LAMA3: variants seen among roughly 807,000 people sequenced by gnomAD.
LAMA3 encodes laminin subunit alpha-3.
Under a neutral mutation model 402.0 loss-of-function variants are expected in LAMA3, and 281 were observed. The observed-to-expected ratio is 0.70, with a 90% confidence interval of 0.63 to 0.77. The LOEUF (loss-of-function observed/expected upper bound fraction) is 0.77. Ranked by LOEUF, LAMA3 falls within the 30% of genes least tolerant of loss-of-function variation. The pLI is 0.00. For synonymous variants in LAMA3, 1,431 were observed against 1,558.4 expected (o/e 0.92, Z 1.93); for missense variants, 3,840 against 4,215.5 (o/e 0.91, Z 2.47).
intron 41 of LAMA3, among the ~76,000 whole-genome samples, chr18:23,886,625 G>GA (rs531862817): frequency 0.013 from 1,912 of 145,890 alleles, 37 homozygotes; most frequent in African/African-American, 0.041. Flanking sequence ...CTGGGCAACA[G>GA]AAAAAAAAAA....
chr18:23,799,897 C>G (rs907793633), intron 12 of LAMA3, among the ~76,000 whole-genome samples: 3 of 152,214 alleles, frequency 2.0e-5, no homozygotes, highest in African/African-American at 7.2e-5. Context: ...GAATTCCTCC[C>G]TCTTCTTCAG....
chr18:23,817,212 T>C (rs930691841), intron 18 of LAMA3, among the ~76,000 whole-genome samples: 9 of 152,146 alleles, frequency 5.9e-5, no homozygotes, highest in Admixed American at 3.3e-4. Context: ...GGAACTATGG[T>C]ATTGTTCCAT....
chr18:23,889,892 G>A lies in LAMA3; in HGVS notation c.5304-119G>A, dbSNP rs538226364. 47 of 789,850 alleles carry A rather than the reference G, an allele frequency of 6.0e-5. No individual in the cohort carries two copies. The African/African-American group carries it at 6.1e-4, about 10-fold the overall frequency. 48.9% of individuals were successfully genotyped at this position (789,850 alleles called of 1,614,324 possible). A position where few individuals can be genotyped will look rare whatever the true frequency, so the allele number is the denominator to read the frequency against. On this transcript the variant is annotated intron_variant, in intron 41 of 74. Transcript: ENST00000313654. Reference sequence around the variant, plus strand: ...GAAATATTCATTCTTGCAGATCTATGTCGGTCTTCCACCCATTGGGTTACA... The same window carrying A: ...GAAATATTCATTCTTGCAGATCTATATCGGTCTTCCACCCATTGGGTTACA...
chr18:23,904,555 T>C lies in LAMA3; in HGVS notation c.6476T>C (p.Ile2159Thr), dbSNP rs1656792259. The change falls in exon 51 of 75, where the codon ATC (isoleucine) becomes ACC (threonine). Residue 2159 changes from isoleucine to threonine, a missense_variant and splice_region_variant. Ile to Thr is a moderately conservative substitution (Grantham distance 89). Coordinates refer to ENST00000313654, the MANE Select transcript of LAMA3 (RefSeq NM_198129.4). ...GGCTAACCTGCCCTGTCTTCCAGGATCAAGAGAAACGCCAGCGGGGATGAG... is the reference window on the plus strand; with the variant it reads ...GGCTAACCTGCCCTGTCTTCCAGGACCAAGAGAAACGCCAGCGGGGATGAG... ...LQELAKQLEE[I>T]KRNASGDELV... The C allele has an allele frequency of 6.3e-7, 1 of 1,590,024 alleles. No homozygotes were observed. The highest frequency in any genetic ancestry group is 1.8e-5 in the Admixed American group (1 of 55,902).
intron 2 of LAMA3, among the ~76,000 whole-genome samples, chr18:23,727,658 C>G (rs977557475): frequency 6.6e-6 from 1 of 151,992 alleles, no homozygotes; most frequent in African/African-American, 2.4e-5. Context: ...ACAAACAGTT[C>G]CTGGACCAGC....
chr18:23,744,919 G>C (rs1772864978), intron 2 of LAMA3, among the ~76,000 whole-genome samples: 4 of 150,446 alleles, frequency 2.7e-5, no homozygotes, highest in African/African-American at 9.8e-5. Context: ...GAGACCTGAC[G>C]ACTCACTGCC....
intron 1 of LAMA3, among the ~76,000 whole-genome samples, chr18:23,694,118 T>G (rs774018056): frequency 1.3e-5 from 2 of 152,232 alleles, no homozygotes; most frequent in Non-Finnish European, 2.9e-5. Context: ...CCATGTGCCC[T>G]GCCAGTTTCT....
At position 23,826,794 on chromosome 18, in the gene LAMA3, A is replaced by G. The variant is rs749187350; in HGVS notation, c.2664A>G (p.Gln888=). The G allele has an allele frequency of 3.0e-5, 46 of 1,556,982 alleles. No individual in the cohort carries two copies. The highest frequency in any genetic ancestry group is 3.8e-5 in the Non-Finnish European group (44 of 1,148,402). The change falls in exon 22 of 75, where the codon CAA becomes CAG. Residue 888 remains glutamine, a synonymous_variant. Coordinates refer to ENST00000313654, the MANE Select transcript of LAMA3 (RefSeq NM_198129.4). The part of the protein sequence containing the change: ...TEPCAYAGPP[Q]ENCLLYQHLP... ...CATGTGCCTACGCAGGACCTCCCCA[A>G]GAAAAGTCAGTGTGGGGCAGAAGGT...
At chr18:23,845,179 G>T in intron 30 of LAMA3, 55 bp downstream of exon 30, 1 of 1,042,196 alleles carries the variant, frequency 9.6e-7, no homozygotes, top group South Asian at 1.3e-5. Context: ...CCACATTCCT[G>T]ACCAGCTCGA....
At chr18:23,847,366 C>A in intron 31 of LAMA3, 98 bp from the exon 32 acceptor site, 1 of 1,276,716 alleles carries the variant, frequency 7.8e-7, no homozygotes. Context: ...TCTCTCTGAC[C>A]CTTTGGAGGC....
intron 32 of LAMA3, among the ~76,000 whole-genome samples, chr18:23,853,073 C>T (rs574937428): frequency 3.9e-5 from 6 of 152,234 alleles, no homozygotes; most frequent in South Asian, 4.1e-4. Context: ...GTCCTGTGTC[C>T]GCAGTGAAAC....
At chr18:23,811,625 G>C (rs183021013) in intron 13 of LAMA3, among the ~76,000 whole-genome samples, 183 of 152,278 alleles carry the variant, frequency 1.2e-3, no homozygotes, top group African/African-American at 4.2e-3. Context: ...AGATGGCAAT[G>C]TTTGTGTCCT....
chr18:23,899,310 G>A lies in LAMA3; in HGVS notation c.5859G>A (p.Gly1953=). 2 of 1,613,848 alleles carry A rather than the reference G, an allele frequency of 1.2e-6. No homozygotes were observed. The highest frequency in any genetic ancestry group is 1.7e-6 in the Non-Finnish European group (2 of 1,179,970). ...NVHILLKQIS[G]TDGEGNNVPS... is the part of the protein sequence containing the mutation. ...TAGTTCTTTTAAAGCAGATCTCTGG[G>A]ACAGATGGAGAGGGAAACAACGTGC... The change falls in exon 47 of 75, where the codon GGG becomes GGA. Residue 1953 remains glycine (G), a synonymous_variant. Coordinates refer to ENST00000313654, the MANE Select transcript of LAMA3 (RefSeq NM_198129.4).
chr18:23,897,190 T>C (rs2080904700), intron 44 of LAMA3, among the ~76,000 whole-genome samples: 3 of 152,112 alleles, frequency 2.0e-5, no homozygotes, highest in South Asian at 4.2e-4. Context: ...AAGAATTCAG[T>C]AGATGAGATC....
At chr18:23,707,712 G>C (rs2060915498) in intron 1 of LAMA3, among the ~76,000 whole-genome samples, 1 of 150,602 alleles carries the variant, frequency 6.6e-6, no homozygotes, top group Non-Finnish European at 1.5e-5. Flanking sequence ...TGTTGCTCAG[G>C]CTGTCACCAA....
intron 11 of LAMA3, among the ~76,000 whole-genome samples, chr18:23,778,568 C>T (rs2062370794): frequency 1.3e-5 from 2 of 152,106 alleles, no homozygotes; most frequent in African/African-American, 4.8e-5. Context: ...TTACATAAAC[C>T]CATCACGGCA....
chr18:23,950,167 G>T lies in LAMA3; in HGVS notation c.9642+8G>T. 1 of 1,613,982 alleles carries T rather than the reference G, an allele frequency of 6.2e-7. No homozygotes were observed. The highest frequency in any genetic ancestry group is 1.7e-4 in the Middle Eastern group (1 of 5,946). ...TACCTGGAGGCAGGAAAGGTGTGTA[G>T]CAGTCTGATGCCATGGGGAGGGTCT... On this transcript the variant is annotated splice_region_variant and intron_variant, in intron 72 of 74. Coordinates refer to ENST00000313654, the MANE Select transcript of LAMA3 (RefSeq NM_198129.4).
chr18:23,922,317 G>T (rs1002179594), intron 62 of LAMA3, among the ~76,000 whole-genome samples: 7 of 152,216 alleles, frequency 4.6e-5, no homozygotes, highest in Non-Finnish European at 8.8e-5. Context: ...AGGTTATGAT[G>T]ACTTTTATAT....
At chr18:23,714,748 A>C (rs1414362754) in intron 2 of LAMA3, among the ~76,000 whole-genome samples, 1 of 152,170 alleles carries the variant, frequency 6.6e-6, no homozygotes, top group Admixed American at 6.5e-5. Context: ...ATCATTGTGC[A>C]ACCATCGCCG....
Sources: gnomAD v4.1 joint callset for allele counts (sites outside exome capture counted in the v4.1 genomes callset) on GRCh38, gnomAD v4.1.1 for gene constraint, MANE v1.5 for transcripts, NCBI Gene and HGNC (gene_info 2026-07-23, HGNC 2026-07-21) for gene names.